Variants in SORCS3 observed in about 807,000 individuals in gnomAD.
SORCS3 encodes the protein sortilin related VPS10 domain containing receptor 3.
Under a neutral mutation model 146.3 loss-of-function variants are expected in SORCS3, and 57 were observed. That is an observed-to-expected ratio of 0.39 (90% CI 0.31 to 0.49). The LOEUF (loss-of-function observed/expected upper bound fraction) is 0.49. SORCS3 is among the 20% of genes least tolerant of loss of function. The pLI is 0.92. For synonymous variants in SORCS3, 653 were observed against 618.5 expected, an observed-to-expected ratio of 1.06 and a Z score of -0.83; for missense variants, 1,341 against 1,575.5, an observed-to-expected ratio of 0.85 and a Z score of 2.52.
At position 105,244,947 on chromosome 10, in the gene SORCS3, T is replaced by C. The variant is rs146988973; in HGVS notation, c.2869-595T>C. 2.4e-3 allele frequency among the ~76,000 whole-genome samples: 367 copies of C among 151,692 alleles called. 1 individual carries two copies. Among genetic ancestry groups the C allele is most frequent in the African/African-American group, 8.5e-3 (352 of 41,378 alleles). On this transcript the variant is annotated intron_variant, in intron 20 of 26. Coordinates refer to ENST00000369701, the MANE Select transcript of SORCS3 (RefSeq NM_014978.3). ...AGCTGAGTGTGGTGGCATACACCTG[T>C]AGTCCCAGCTACTAGGGAGGTTGAG...
intron 1 of SORCS3, among the ~76,000 whole-genome samples, chr10:104,776,855 C>A (rs535580566): frequency 6.7e-6 from 1 of 149,822 alleles, no homozygotes; most frequent in South Asian, 2.1e-4. Context: ...TACAAGTACC[C>A]AAGCTTATTC....
At chr10:105,222,394 A>C (rs574912282) in intron 19 of SORCS3, among the ~76,000 whole-genome samples, 2 of 152,162 alleles carry the variant, frequency 1.3e-5, no homozygotes, top group East Asian at 3.9e-4. Flanking sequence ...TCCTCTTCTC[A>C]TTTTAGTTTG....
chr10:105,140,790 G>A (rs990459629), intron 8 of SORCS3, among the ~76,000 whole-genome samples: 4 of 152,082 alleles, frequency 2.6e-5, no homozygotes, highest in Non-Finnish European at 4.4e-5. Flanking sequence ...TAGCTTCAGG[G>A]GCAATGGGAA....
chr10:105,261,231 T>C (rs2056958548), intron 25 of SORCS3, among the ~76,000 whole-genome samples: 1 of 152,152 alleles, frequency 6.6e-6, no homozygotes, highest in Non-Finnish European at 1.5e-5. Flanking sequence ...TCGTTTCATG[T>C]TTATAATGGA....
chr10:105,218,998 G>A (rs1309910764), intron 19 of SORCS3, among the ~76,000 whole-genome samples: 5 of 152,134 alleles, frequency 3.3e-5, no homozygotes, highest in Admixed American at 2.6e-4. Flanking sequence ...CTGGGAGACA[G>A]AGCGAGACCC....
Position 105,055,557 on chromosome 10 carries a change from C to A in SORCS3, c.1028+12429C>A, listed in dbSNP as rs1418816732. The stretch of plus-strand genomic sequence containing the variant: ...GAATGTCATTCTTCTTAGCCTGGAG[C>A]ACAGTAAGTGCTTAACAAATACCAG... On this transcript the variant is annotated intron_variant, in intron 5 of 26. Transcript: ENST00000369701. 2.0e-5 allele frequency among the ~76,000 whole-genome samples: 3 copies of A among 152,072 alleles called. No individual in the cohort carries two copies. The East Asian group carries it at 5.8e-4, about 29-fold the overall frequency.
chr10:104,830,157 G>A (rs140148709), intron 1 of SORCS3, among the ~76,000 whole-genome samples: 355 of 152,134 alleles, frequency 2.3e-3, no homozygotes, highest in African/African-American at 8.2e-3. Context: ...GCAGTGTTTG[G>A]TTTTCTCTTC....
chr10:104,919,985 T>C (rs1321034375), intron 3 of SORCS3, among the ~76,000 whole-genome samples: 2 of 152,234 alleles, frequency 1.3e-5, no homozygotes, highest in African/African-American at 2.4e-5. Flanking sequence ...TCTGGAACCA[T>C]GTAACACAAC....
chr10:104,929,654 C>T (rs369172756), intron 3 of SORCS3, among the ~76,000 whole-genome samples: 2 of 152,312 alleles, frequency 1.3e-5, no homozygotes, highest in South Asian at 4.1e-4. Flanking sequence ...AAGCTGGCCC[C>T]TGGGGACACA....
chr10:105,091,867 C>G (rs191674465), intron 6 of SORCS3, among the ~76,000 whole-genome samples: 3 of 152,064 alleles, frequency 2.0e-5, no homozygotes, highest in Admixed American at 6.6e-5. Context: ...AGAAAATGAC[C>G]CACAGGCCAG....
chr10:105,069,574 G>T (rs1392838386), intron 5 of SORCS3, among the ~76,000 whole-genome samples: 2 of 152,140 alleles, frequency 1.3e-5, no homozygotes, highest in East Asian at 3.9e-4. Flanking sequence ...GTTAATATCC[G>T]CAACTCCTTC....
At chr10:104,816,575 G>T (rs1169915848) in intron 1 of SORCS3, among the ~76,000 whole-genome samples, 3 of 152,214 alleles carry the variant, frequency 2.0e-5, no homozygotes, top group Non-Finnish European at 4.4e-5. Flanking sequence ...ACACCCAAGT[G>T]CAGGAAGTTT....
chr10:104,961,194 T>C (rs2054793333), intron 3 of SORCS3, among the ~76,000 whole-genome samples: 1 of 152,168 alleles, frequency 6.6e-6, no homozygotes, highest in African/African-American at 2.4e-5. Context: ...AGTAGCAACT[T>C]GGATGCTTGA....
At chr10:105,213,687 T>C (rs2056648206) in intron 17 of SORCS3, among the ~76,000 whole-genome samples, 1 of 152,204 alleles carries the variant, frequency 6.6e-6, no homozygotes, top group Admixed American at 6.5e-5. Context: ...ATGGTGTCAT[T>C]GTACATAATG....
At chr10:105,154,086 A>G (rs960973893) in intron 9 of SORCS3, among the ~76,000 whole-genome samples, 21 of 151,126 alleles carry the variant, frequency 1.4e-4, no homozygotes, top group Admixed American at 4.6e-4. Context: ...AAAAAAAAAA[A>G]AAGAAACTTC....
intron 4 of SORCS3, among the ~76,000 whole-genome samples, chr10:105,014,349 T>A (rs2055153261): frequency 6.6e-6 from 1 of 151,868 alleles, no homozygotes; most frequent in Non-Finnish European, 1.5e-5. Flanking sequence ...CTATCTTTTA[T>A]ACCTTATGAC....
In SORCS3 at chr10:104,650,799, A is replaced by G. The variant is rs922084784; in HGVS notation, c.627+8845A>G. 2.0e-5 allele frequency among the ~76,000 whole-genome samples: 3 copies of G among 152,324 alleles called. No individual in the cohort carries two copies. The South Asian group carries it at 6.2e-4, about 32-fold the overall frequency. On this transcript the variant is annotated intron_variant, in intron 1 of 26. Coordinates refer to ENST00000369701, the MANE Select transcript of SORCS3 (RefSeq NM_014978.3). ...TGGCCTGGGATCTGCACTCTGGGAC[A>G]TTGCGGCTGTCTCTCACAGGCTCTC...
intron 5 of SORCS3, among the ~76,000 whole-genome samples, chr10:105,073,034 G>C (rs1173848386): frequency 6.6e-6 from 1 of 152,154 alleles, no homozygotes; most frequent in Non-Finnish European, 1.5e-5. Context: ...AGGTCATATA[G>C]CTATTGGGTA....
At chr10:104,779,917 G>A (rs923792835) in intron 1 of SORCS3, among the ~76,000 whole-genome samples, 1 of 152,168 alleles carries the variant, frequency 6.6e-6, no homozygotes, top group Admixed American at 6.6e-5. Flanking sequence ...GTTATTAGAA[G>A]TATGAATTAT....
Sources: allele counts gnomAD v4.1 joint callset (sites outside exome capture counted in the v4.1 genomes callset), GRCh38; gene constraint gnomAD v4.1.1; transcripts MANE v1.5; gene names NCBI Gene and HGNC (gene_info 2026-07-23, HGNC 2026-07-21).